The following PLD5 variants were observed in gnomAD, a reference collection of about 807,000 sequenced individuals.
The protein encoded by PLD5 is inactive phospholipase D5.
In PLD5, 36 loss-of-function variants were observed where a neutral mutation model predicts 61.1. The observed-to-expected ratio is 0.59, with a 90% CI of 0.45 to 0.78. The LOEUF is 0.78. Ranked by LOEUF, PLD5 falls within the 30% of genes least tolerant of loss-of-function variation. PLD5 has a pLI of 0.00. For missense variants in PLD5, 515 were observed against 644.4 expected, an observed-to-expected ratio of 0.80 and a Z score of 2.17; for synonymous variants, 243 against 242.8, an observed-to-expected ratio of 1.00 and a Z score of -0.01.
chr1:242,228,469 A>G (rs1017197478), intron 4 of PLD5, among the ~76,000 whole-genome samples: 8 of 152,216 alleles, frequency 5.3e-5, no homozygotes, highest in Admixed American at 2.0e-4. Context: ...ATTGGACCAA[A>G]TGTGGGCACT....
intron 5 of PLD5, among the ~76,000 whole-genome samples, chr1:242,206,924 T>C (rs1358450693): frequency 6.6e-6 from 1 of 152,186 alleles, no homozygotes; most frequent in Non-Finnish European, 1.5e-5. Flanking sequence ...TTGGCACATA[T>C]GATTGTGGGG....
chr1:242,410,533 T>C (rs1479259978), intron 1 of PLD5, among the ~76,000 whole-genome samples: 1 of 152,040 alleles, frequency 6.6e-6, no homozygotes. Context: ...CTGTTGAGAG[T>C]TTTAAAAATT....
chr1:242,101,122 G>C (rs1230218022), intron 8 of PLD5, among the ~76,000 whole-genome samples: 1 of 152,140 alleles, frequency 6.6e-6, no homozygotes, highest in Non-Finnish European at 1.5e-5. Context: ...GCATGCCTCA[G>C]GGTGCTTTCT....
intron 5 of PLD5, among the ~76,000 whole-genome samples, chr1:242,134,672 C>T (rs898421679): frequency 1.3e-5 from 2 of 152,180 alleles, no homozygotes; most frequent in African/African-American, 4.8e-5. Flanking sequence ...CTGATTCATT[C>T]CTTTGTGATT....
intron 1 of PLD5, chr1:242,377,268 A>G: frequency 6.2e-7 from 1 of 1,610,272 alleles, no homozygotes; most frequent in Non-Finnish European, 8.5e-7. Context: ...GTGGAACTGC[A>G]GCAGGTTTTC....
chr1:242,409,745 A>T (rs1433172008), intron 1 of PLD5, among the ~76,000 whole-genome samples: 1 of 152,186 alleles, frequency 6.6e-6, no homozygotes. Context: ...TATGTAGCCC[A>T]TGAAAAAATT....
chr1:242,174,027 C>G (rs1384567821), intron 5 of PLD5, among the ~76,000 whole-genome samples: 4 of 152,112 alleles, frequency 2.6e-5, no homozygotes, highest in Non-Finnish European at 5.9e-5. Context: ...GCAATGGCAA[C>G]AAAAGCCAAA....
intron 1 of PLD5, among the ~76,000 whole-genome samples, chr1:242,432,991 T>C (rs1271188532): frequency 1.3e-5 from 2 of 152,000 alleles, no homozygotes; most frequent in East Asian, 3.9e-4. Flanking sequence ...CTGTGGCAGA[T>C]GGCAAGGAGC....
At chr1:242,530,283 C>T in the PLD5 span, among the ~76,000 whole-genome samples, 1 of 152,308 alleles carries the variant, frequency 6.6e-6, no homozygotes, top group East Asian at 1.9e-4. Context: ...AACCAAGATG[C>T]TTTACCTAAT....
intron 1 of PLD5, among the ~76,000 whole-genome samples, chr1:242,494,776 T>C (rs903990800): frequency 2.0e-5 from 3 of 152,104 alleles, no homozygotes; most frequent in Non-Finnish European, 4.4e-5. Context: ...GGCTCTTCCA[T>C]AATAATCTTG....
chr1:242,257,914 G>A lies in PLD5; in HGVS notation c.607+7423C>T, dbSNP rs545820768. Among the ~76,000 whole-genome samples the A allele has an allele frequency of 9.2e-5, 14 of 152,194 alleles. 1 individual carries two copies. The South Asian group carries it at 1.7e-3, about 18-fold the overall frequency. On this transcript the variant is annotated intron_variant, in intron 4 of 9. Coordinates refer to ENST00000536534, the MANE Select transcript of PLD5 (RefSeq NM_001372062.1). ...GCCTGGGCCTTTTCATGCCTGTCAC[G>A]TTTACCACTGCGTGTTTGCTATCCC...
At chr1:242,495,762 C>T (rs1668349664) in intron 1 of PLD5, among the ~76,000 whole-genome samples, 1 of 152,146 alleles carries the variant, frequency 6.6e-6, no homozygotes, top group Non-Finnish European at 1.5e-5. Context: ...TAGAGTTAGG[C>T]TGCTTGTGGC....
intron 1 of PLD5, among the ~76,000 whole-genome samples, chr1:242,353,699 T>A: frequency 6.6e-6 from 1 of 152,158 alleles, no homozygotes; most frequent in Non-Finnish European, 1.5e-5. Flanking sequence ...GTTCCTTAGG[T>A]ATTTTGAATA....
intron 5 of PLD5, among the ~76,000 whole-genome samples, chr1:242,149,403 CCCAT>C: frequency 6.6e-6 from 1 of 151,806 alleles, no homozygotes. Flanking sequence ...TTGAGAACTT[CCCAT>C]CCATGTTTAT....
intron 2 of PLD5, among the ~76,000 whole-genome samples, chr1:242,336,529 G>T (rs1659521051): frequency 6.6e-6 from 1 of 152,052 alleles, no homozygotes; most frequent in African/African-American, 2.4e-5. Context: ...AATCGTTCAT[G>T]GTACATCATG....
chr1:242,285,905 C>T (rs1163222905), intron 3 of PLD5, among the ~76,000 whole-genome samples: 8 of 152,032 alleles, frequency 5.3e-5, no homozygotes, highest in Non-Finnish European at 7.4e-5. Flanking sequence ...GTCAGGAATT[C>T]GAGACCAGCC....
At chr1:242,202,320 CCTCCCTGACATGTG>C (rs1246372477) in intron 5 of PLD5, among the ~76,000 whole-genome samples, 2 of 152,160 alleles carry the variant, frequency 1.3e-5, no homozygotes, top group African/African-American at 4.8e-5. Context: ...GGTCCTCATT[CCTCCCTGACATGTG>C]CTGAGGGTTA....
chr1:242,359,741 C>CA (rs144040414), intron 1 of PLD5, among the ~76,000 whole-genome samples: 1,966 of 152,084 alleles, frequency 0.013, 25 homozygotes, highest in East Asian at 0.027. Flanking sequence ...ATAACTCTTT[C>CA]ATAGGGTTAT....
rs1401003581 is a variant in PLD5, at chr1:242,401,576, T to G, written c.190-53334A>C. ...CAGCATTCTTCAGCCACATGAGAGA[T>G]GTGATGTGATGTGACCTCACCTAGA... On this transcript the variant is annotated intron_variant, in intron 1 of 9. Transcript: ENST00000536534. Among the ~76,000 whole-genome samples, 5 of 152,322 alleles carry G rather than the reference T, an allele frequency of 3.3e-5. No homozygotes were observed. The South Asian group carries it at 6.2e-4, about 19-fold the overall frequency.
Sources: gnomAD v4.1 joint callset for allele counts (sites outside exome capture counted in the v4.1 genomes callset) on GRCh38, gnomAD v4.1.1 for gene constraint, MANE v1.5 for transcripts, NCBI Gene and HGNC (gene_info 2026-07-23, HGNC 2026-07-21) for gene names.